PRKN: variants seen among roughly 807,000 people sequenced by gnomAD.
The protein encoded by PRKN is E3 ubiquitin-protein ligase parkin.
A neutral mutation model predicts 59.5 loss-of-function variants in PRKN; 56 were observed. That is an observed-to-expected ratio of 0.94 (90% confidence interval 0.76 to 1.18). PRKN has a LOEUF of 1.18. Ranked by LOEUF, PRKN falls within the 50% of genes most tolerant of loss-of-function variation. PRKN has a pLI of 0.00. For synonymous variants in PRKN, 250 were observed against 222.1 expected, an observed-to-expected ratio of 1.13 and a Z score of -1.12; for missense variants, 657 against 596.4, an observed-to-expected ratio of 1.10 and a Z score of -1.06.
intron 1 of PRKN, among the ~76,000 whole-genome samples, chr6:162,715,106 C>A (rs893565385): frequency 6.6e-6 from 1 of 152,162 alleles, no homozygotes; most frequent in African/African-American, 2.4e-5. Flanking sequence ...ATAGTTACTT[C>A]CCCTATTTGT....
At chr6:161,866,671 AG>A (rs1247077463) in intron 6 of PRKN, among the ~76,000 whole-genome samples, 1 of 152,226 alleles carries the variant, frequency 6.6e-6, no homozygotes, top group African/African-American at 2.4e-5. Flanking sequence ...GGAGTGGCTC[AG>A]GGCAGGGTTG....
chr6:161,788,810 CA>C (rs1562685680), intron 6 of PRKN, among the ~76,000 whole-genome samples: 1 of 152,040 alleles, frequency 6.6e-6, no homozygotes, highest in Non-Finnish European at 1.5e-5. Context: ...TACAGGGAGT[CA>C]AAAATGATAA....
intron 2 of PRKN, among the ~76,000 whole-genome samples, chr6:162,394,996 G>T (rs1471580838): frequency 1.3e-5 from 2 of 152,138 alleles, no homozygotes; most frequent in Non-Finnish European, 2.9e-5. Context: ...TCTATTTGCA[G>T]TAAAAAGCTA....
chr6:161,418,854 A>G (rs1189503822), intron 9 of PRKN, among the ~76,000 whole-genome samples: 1 of 152,206 alleles, frequency 6.6e-6, no homozygotes, highest in African/African-American at 2.4e-5. Flanking sequence ...GCCTGACCCT[A>G]TAAACATTTT....
Position 161,371,252 on chromosome 6 carries a change from C to T in PRKN, c.1168-11047G>A, listed in dbSNP as rs1318910858. 6.6e-6 allele frequency among the ~76,000 whole-genome samples: 1 copy of T among 151,948 alleles called. No homozygotes were observed. Among genetic ancestry groups the T allele is most frequent in the Non-Finnish European group, 1.5e-5 (1 of 68,000 alleles). Reference sequence around the variant, plus strand: ...AAATCTCCGCTCACTGCAACCTCCACCTCCTGGGTTCAAATGATTCTGCTG... The same window carrying T: ...AAATCTCCGCTCACTGCAACCTCCATCTCCTGGGTTCAAATGATTCTGCTG... On this transcript the variant is annotated intron_variant, in intron 10 of 11. Coordinates refer to ENST00000366898, the MANE Select transcript of PRKN (RefSeq NM_004562.3). The surrounding 1 kb of genome is among the most constrained non-coding windows in gnomAD (Gnocchi z 5.5).
At chr6:161,850,707 A>T (rs1793397826) in intron 6 of PRKN, among the ~76,000 whole-genome samples, 1 of 152,204 alleles carries the variant, frequency 6.6e-6, no homozygotes, top group Non-Finnish European at 1.5e-5. Context: ...TGAGACAATA[A>T]GGGACTCAGG....
At chr6:162,275,871 G>T (rs993171048) in intron 2 of PRKN, among the ~76,000 whole-genome samples, 2 of 152,058 alleles carry the variant, frequency 1.3e-5, no homozygotes, top group African/African-American at 4.8e-5. Context: ...GTTATCTATA[G>T]CTAATTGGCA....
Position 161,799,457 on chromosome 6 carries a change from G to T in PRKN, c.735-13549C>A, listed in dbSNP as rs368649312. On this transcript the variant is annotated intron_variant, in intron 6 of 11. Coordinates refer to ENST00000366898, the MANE Select transcript of PRKN (RefSeq NM_004562.3). ...CTGAAAACACCATCTCCCCCCATCT[G>T]CCAGAGTTAGGCTCATCCGTTCAGA... 3.3e-5 allele frequency among the ~76,000 whole-genome samples: 5 copies of T among 152,300 alleles called. No individual in the cohort carries two copies. The East Asian group carries it at 5.8e-4, about 18-fold the overall frequency.
At chr6:162,354,440 T>C (rs529848024) in intron 2 of PRKN, among the ~76,000 whole-genome samples, 10 of 152,126 alleles carry the variant, frequency 6.6e-5, no homozygotes, top group East Asian at 5.8e-4. Context: ...ACCTTCTAAC[T>C]CTAAATGAGT....
intron 4 of PRKN, among the ~76,000 whole-genome samples, chr6:162,105,668 G>A (rs1780165627): frequency 6.6e-6 from 1 of 152,126 alleles, no homozygotes; most frequent in Non-Finnish European, 1.5e-5. Flanking sequence ...CCAAAGTGCT[G>A]GGATTACAGG....
chr6:161,487,183 A>C lies in PRKN; in HGVS notation c.1083+61671T>G, dbSNP rs980378111. Among the ~76,000 whole-genome samples the C allele has an allele frequency of 3.9e-5, 6 of 152,348 alleles. No homozygotes were observed. Among genetic ancestry groups the C allele is most frequent in the African/African-American group, 1.4e-4 (6 of 41,590 alleles). ...ACTGTATATGGATCATGTTTAATCC[A>C]AAAGCAATTCTGAGTGAAGTCCTAT... On this transcript the variant is annotated intron_variant, in intron 9 of 11. Transcript: ENST00000366898. This position sits in a 1 kb window ranked among gnomAD's most constrained non-coding sequence, Gnocchi z 5.3.
chr6:161,939,676 G>C (rs943069455), intron 6 of PRKN, among the ~76,000 whole-genome samples: 8 of 151,806 alleles, frequency 5.3e-5, no homozygotes, highest in Non-Finnish European at 1.2e-4. Context: ...AGGTTGCAAC[G>C]AGATGAGATC....
intron 10 of PRKN, among the ~76,000 whole-genome samples, chr6:161,365,979 C>T (rs1785180654): frequency 6.6e-6 from 1 of 152,178 alleles, no homozygotes; most frequent in African/African-American, 2.4e-5. Flanking sequence ...GATATGTACC[C>T]TTATCATTTC....
At chr6:162,356,747 T>TAAAA (rs748212596) in intron 2 of PRKN, among the ~76,000 whole-genome samples, 78 of 72,908 alleles carry the variant, frequency 1.1e-3, no homozygotes, top group Middle Eastern at 0.023. Flanking sequence ...TGATTATTAG[T>TAAAA]AAAAAAAAAA....
At chr6:161,516,335 C>T (rs1368928216) in intron 9 of PRKN, among the ~76,000 whole-genome samples, 1 of 151,390 alleles carries the variant, frequency 6.6e-6, no homozygotes, top group Non-Finnish European at 1.5e-5. Context: ...GGTGTGATGG[C>T]GGGTGCCTGT....
chr6:162,100,449 C>G (rs576261064), intron 4 of PRKN, among the ~76,000 whole-genome samples: 2 of 150,382 alleles, frequency 1.3e-5, no homozygotes, highest in African/African-American at 2.4e-5. Flanking sequence ...TCTTGTCTTT[C>G]TTGTCTTTTT....
chr6:161,589,589 G>A (rs1781642033), intron 7 of PRKN, among the ~76,000 whole-genome samples: 2 of 151,884 alleles, frequency 1.3e-5, no homozygotes, highest in Admixed American at 6.6e-5. Flanking sequence ...GAAAATACAT[G>A]TAAGGCACAC....
At chr6:162,092,445 T>G (rs1779536904) in intron 4 of PRKN, among the ~76,000 whole-genome samples, 1 of 152,248 alleles carries the variant, frequency 6.6e-6, no homozygotes. Context: ...TAGTCGGTGA[T>G]TATTATAAAA....
chr6:161,735,719 A>G (rs1318699672), intron 7 of PRKN, among the ~76,000 whole-genome samples: 1 of 152,122 alleles, frequency 6.6e-6, no homozygotes, highest in Non-Finnish European at 1.5e-5. Context: ...ATTCGAGACC[A>G]GTCTGGCCAA....
Sources: allele counts gnomAD v4.1 joint callset (sites outside exome capture counted in the v4.1 genomes callset), GRCh38; gene constraint gnomAD v4.1.1; non-coding constraint Gnocchi (gnomAD v3.1); transcripts MANE v1.5; gene names NCBI Gene and HGNC (gene_info 2026-07-23, HGNC 2026-07-21).